Variants in PEX13 observed in about 807,000 individuals in gnomAD.
PEX13 encodes peroxisomal biogenesis factor 13, also known as peroxisome biogenesis factor 13.
Under a neutral mutation model 34.5 loss-of-function variants are expected in PEX13, and 28 were observed. The ratio of observed to expected loss-of-function variants is 0.81; its 90% CI spans 0.60 to 1.11. PEX13 has a LOEUF of 1.11. PEX13 is among the 50% of genes most tolerant of loss of function. The pLI is 0.00. For missense variants in PEX13, 550 were observed against 491.0 expected (o/e 1.12, Z -1.13); for synonymous variants, 177 against 175.1 (o/e 1.01, Z -0.09).
intron 1 of PEX13, among the ~76,000 whole-genome samples, chr2:61,029,139 CAAAAA>C (rs539310122): frequency 7.7e-6 from 1 of 130,438 alleles, no homozygotes. Context: ...ACCCTGTCTC[CAAAAA>C]AAAAAAAAAA....
chr2:61,025,206 T>C (rs749711972), intron 1 of PEX13, among the ~76,000 whole-genome samples: 56 of 151,860 alleles, frequency 3.7e-4, no homozygotes, highest in Non-Finnish European at 6.8e-4. Context: ...GTAGCTGGGA[T>C]TACAGGCACC....
chr2:61,018,049 A>G, intron 1 of PEX13, 198 bp downstream of exon 1: 1 of 1,464,284 alleles, frequency 6.8e-7, no homozygotes, highest in African/African-American at 1.4e-5. Flanking sequence ...CTGACCCGGC[A>G]GCTCTAATCA....
At chr2:61,034,288 C>T (rs1174732455) in intron 2 of PEX13, among the ~76,000 whole-genome samples, 1 of 152,200 alleles carries the variant, frequency 6.6e-6, no homozygotes, top group Non-Finnish European at 1.5e-5. Flanking sequence ...TGAGCCACCA[C>T]ACCCAGCCGA....
intron 2 of PEX13, among the ~76,000 whole-genome samples, chr2:61,033,280 A>G (rs890353775): frequency 6.6e-6 from 1 of 152,164 alleles, no homozygotes; most frequent in South Asian, 2.1e-4. Context: ...AGACTGTTTG[A>G]GAGATAATGA....
chr2:61,022,958 G>T (rs1209912119), intron 1 of PEX13, among the ~76,000 whole-genome samples: 1 of 152,012 alleles, frequency 6.6e-6, no homozygotes, highest in Non-Finnish European at 1.5e-5. Context: ...GTACTATTCT[G>T]GTTTTGTATC....
At chr2:61,033,320 G>A (rs1279596569) in intron 2 of PEX13, among the ~76,000 whole-genome samples, 1 of 152,064 alleles carries the variant, frequency 6.6e-6, no homozygotes, top group Non-Finnish European at 1.5e-5. Context: ...TGAGAAGCAG[G>A]ATTCATATAA....
chr2:61,038,779 T>G lies in PEX13; in HGVS notation c.787+6666T>G, dbSNP rs142851320. Among the ~76,000 whole-genome samples, 6 of 152,188 alleles carry G rather than the reference T, an allele frequency of 3.9e-5. No individual in the cohort carries two copies. The East Asian group carries it at 9.7e-4, about 24-fold the overall frequency. ...AGGGCAGTCAGGCAAGAGAAAGAAA[T>G]AAAGGGTATTCAATTAGGAAAAGAG... On this transcript the variant is annotated intron_variant, in intron 2 of 3. Transcript: ENST00000295030.
chr2:61,018,980 A>G (rs985594964), intron 1 of PEX13: 1 of 152,338 alleles, frequency 6.6e-6, no homozygotes, highest in Non-Finnish European at 1.5e-5. Context: ...GTAAGATAAT[A>G]CCTATATATT....
intron 1 of PEX13, among the ~76,000 whole-genome samples, chr2:61,031,002 A>G (rs532463000): frequency 6.6e-6 from 1 of 152,336 alleles, no homozygotes; most frequent in Admixed American, 6.5e-5. Context: ...TAAACTTTAA[A>G]GTGATGCCTG....
At chr2:61,036,551 A>G (rs1329562258) in intron 2 of PEX13, among the ~76,000 whole-genome samples, 2 of 152,194 alleles carry the variant, frequency 1.3e-5, no homozygotes, top group Non-Finnish European at 2.9e-5. Flanking sequence ...GGAGAAATAA[A>G]TTCCTTTACA....
chr2:61,040,917 T>C (rs1254665016), intron 2 of PEX13, among the ~76,000 whole-genome samples: 4 of 151,034 alleles, frequency 2.6e-5, no homozygotes, highest in Non-Finnish European at 5.9e-5. Context: ...GGTTTTTAGG[T>C]AGAGCTAGGG....
rs1432784765 is a variant in PEX13 at position 61,031,619 on chromosome 2, A to G, written c.293A>G (p.Tyr98Cys). ...TATGGAGGCTATAGTCCTTATAGTT[A>G]TGGATATAATGGGCTGGGCTACAAC... ...SFYGGYSPYS[Y>C]GYNGLGYNRL... Residue 98 changes from tyrosine to cysteine, a missense_variant, in exon 2 of 4, where the codon TAT becomes TGT. Transcript: ENST00000295030. 1.2e-6 allele frequency: 2 copies of G among 1,614,112 alleles called. No homozygotes were observed. Among genetic ancestry groups the G allele is most frequent in the Admixed American group, 1.7e-5 (1 of 60,016 alleles).
At position 61,031,399 on chromosome 2, in the gene PEX13, T is replaced by C; in HGVS notation, c.93-20T>C. ...TTATTGTATGCTTAAATAACTGTTTTGAATCTTTTTTGGTTTTAGATCTGC... is the reference window on the plus strand; with the variant it reads ...TTATTGTATGCTTAAATAACTGTTTCGAATCTTTTTTGGTTTTAGATCTGC... On this transcript the variant is annotated intron_variant, in intron 1 of 3. Coordinates refer to ENST00000295030, the MANE Select transcript of PEX13 (RefSeq NM_002618.4). 6.3e-7 allele frequency: 1 copy of C among 1,578,024 alleles called. No homozygotes were observed. The highest frequency in any genetic ancestry group is 1.1e-5 in the South Asian group (1 of 90,320).
At chr2:61,028,483 G>C (rs1402075125) in intron 1 of PEX13, among the ~76,000 whole-genome samples, 1 of 151,718 alleles carries the variant, frequency 6.6e-6, no homozygotes, top group African/African-American at 2.4e-5. Flanking sequence ...GCCGCCTCTG[G>C]GGTTCAAGCG....
At position 61,049,806 on chromosome 2, in the gene PEX13, A is replaced by C. The variant is rs1009559066; in HGVS notation, c.*1036A>C. 6.6e-6 allele frequency: 1 copy of C among 152,284 alleles called. No individual in the cohort carries two copies. Among genetic ancestry groups the C allele is most frequent in the African/African-American group, 2.4e-5 (1 of 41,456 alleles). The allele number at this position is 152,284 out of a possible 1,614,324, so 9.4% of individuals were successfully genotyped here. A position where few individuals can be genotyped will look rare whatever the true frequency, so the allele number is the denominator to read the frequency against. On this transcript the variant is annotated 3_prime_UTR_variant, in exon 4 of 4. Coordinates refer to ENST00000295030, the MANE Select transcript of PEX13 (RefSeq NM_002618.4). Reference sequence around the variant, plus strand: ...ATAAAATTATTTATTTCTTTAAAATATGACTAGTTTTCATACTGGGTGAAT... The same window carrying C: ...ATAAAATTATTTATTTCTTTAAAATCTGACTAGTTTTCATACTGGGTGAAT...
In PEX13 at chr2:61,048,489, C is replaced by G. The variant is rs376720470; in HGVS notation, c.931C>G (p.Arg311Gly). ...TCCATCAGAACAACAACCCAAAGTG[C>G]GTGGTTGGCTTCTGGCTAGCCTTGA... ...LALKEQQPKV[R>G]GWLLASLDGQ... Residue 311 changes from arginine (R) to glycine (G), a missense_variant, in exon 4 of 4, where the codon CGT becomes GGT. Transcript: ENST00000295030. The G allele has an allele frequency of 2.5e-6, 4 of 1,613,546 alleles. No individual in the cohort carries two copies. The highest frequency in any genetic ancestry group is 3.4e-6 in the Non-Finnish European group (4 of 1,179,686).
rs771686891 is a variant in PEX13 at position 61,045,684 on chromosome 2, C to G, written c.788-42C>G. ...TAGCCAGTGAAATATCTGCATTTTTCTTTTGTAAATTTTATTAACCTAATT... is the reference window on the plus strand; with the variant it reads ...TAGCCAGTGAAATATCTGCATTTTTGTTTTGTAAATTTTATTAACCTAATT... On this transcript the variant is annotated intron_variant, in intron 2 of 3. Transcript: ENST00000295030. 1.9e-6 allele frequency: 3 copies of G among 1,596,598 alleles called. No individual in the cohort carries two copies. In the African/African-American group the frequency reaches 4.0e-5, roughly 21 times the overall value.
chr2:61,018,172 C>T (rs1470957863), intron 1 of PEX13: 7 of 1,550,764 alleles, frequency 4.5e-6, no homozygotes, highest in East Asian at 2.4e-5. Context: ...AATGGCTTCT[C>T]TATCTTTAAA....
intron 3 of PEX13, among the ~76,000 whole-genome samples, chr2:61,048,016 A>T (rs1680731272): frequency 6.6e-6 from 1 of 152,218 alleles, no homozygotes; most frequent in East Asian, 1.9e-4. Flanking sequence ...TATTACAATC[A>T]CATGAAACGA....
Sources: allele counts gnomAD v4.1 joint callset (sites outside exome capture counted in the v4.1 genomes callset), GRCh38; gene constraint gnomAD v4.1.1; transcripts MANE v1.5; gene names NCBI Gene and HGNC (gene_info 2026-07-23, HGNC 2026-07-21).